Variants in GIGYF1 observed in about 807,000 individuals in gnomAD.
The protein encoded by GIGYF1 is GRB10 interacting GYF protein 1.
GIGYF1 carries 84 observed loss-of-function variants against 147.1 expected under a neutral mutation model. That is an observed-to-expected ratio of 0.57 (90% CI 0.48 to 0.68). The LOEUF (loss-of-function observed/expected upper bound fraction) is 0.68. GIGYF1 is among the 30% of genes least tolerant of loss of function. The pLI, the probability that GIGYF1 is intolerant of heterozygous loss-of-function variation, is 0.00. For synonymous variants in GIGYF1, 752 were observed against 589.5 expected (o/e 1.28, Z -3.99); for missense variants, 1,485 against 1,393.7 (o/e 1.07, Z -1.04).
chr7:100,685,438 G>C lies in GIGYF1; in HGVS notation c.1098C>G (p.Ser366=), dbSNP rs371851856. The C allele has an allele frequency of 6.3e-7, 1 of 1,594,110 alleles. No individual in the cohort carries two copies. The highest frequency in any genetic ancestry group is 1.4e-5 in the African/African-American group (1 of 73,434). The part of the protein sequence containing the change: ...LTPLPPQEEK[S]SSPSPLPTLG... ...GGGTGGGCAGTGGGGATGGGGAGCT[G>C]GACTTCTCCTCCTGAGGAGGCAGTG... The change falls in exon 13 of 27, where the codon TCC becomes TCG. Residue 366 remains serine, a synonymous_variant. Coordinates refer to ENST00000678049, the MANE Select transcript of GIGYF1 (RefSeq NM_001375765.1).
At chr7:100,687,699 TCTC>T in intron 6 of GIGYF1, 83 bp from the exon 7 acceptor site, 2 of 1,113,266 alleles carry the variant, frequency 1.8e-6, no homozygotes, top group East Asian at 3.6e-5. Flanking sequence ...TCCCCGCCTG[TCTC>T]CTCAGCGCTG....
chr7:100,684,633 G>A lies in GIGYF1; in HGVS notation c.1463-17C>T. 6.2e-7 allele frequency: 1 copy of A among 1,613,924 alleles called. No individual in the cohort carries two copies. Among genetic ancestry groups the A allele is most frequent in the Non-Finnish European group, 8.5e-7 (1 of 1,179,910 alleles). ...TGAAGGGGCCTGGACAGGGAGCGAG[G>A]GAGCGGGAGAACCACTGGGGTCACA... On this transcript the variant is annotated splice_polypyrimidine_tract_variant and intron_variant, in intron 15 of 26. Transcript: ENST00000678049.
At position 100,681,418 on chromosome 7, in the gene GIGYF1, T is replaced by A; in HGVS notation, c.*301A>T. On this transcript the variant is annotated 3_prime_UTR_variant, in exon 27 of 27. Coordinates refer to ENST00000678049, the MANE Select transcript of GIGYF1 (RefSeq NM_001375765.1). ...GTGGACCTTCCATTGTCACACCCAC[T>A]ATCCTCACAGCAGGAAGGGGTGTTT... The A allele has an allele frequency of 3.9e-6, 1 of 257,276 alleles. No homozygotes were observed. The highest frequency in any genetic ancestry group is 7.3e-6 in the Non-Finnish European group (1 of 137,228). The allele number at this position is 257,276 out of a possible 1,614,324, so 15.9% of individuals were successfully genotyped here.
rs1439921010 is a variant in GIGYF1 at position 100,688,886 on chromosome 7, C to T, written c.-429G>A. On this transcript the variant is annotated 5_prime_UTR_variant, in exon 2 of 27. Transcript: ENST00000678049. The stretch of plus-strand genomic sequence containing the variant: ...GAGACAGGAGGTGTAGTGAAGAACT[C>T]GGGGAGGGAGGCAGCCGAGGCCAGG... 6 of 158,768 alleles carry T rather than the reference C, an allele frequency of 3.8e-5. No individual in the cohort carries two copies. The highest frequency in any genetic ancestry group is 1.3e-4 in the Admixed American group (2 of 15,668). 9.8% of individuals were successfully genotyped at this position (158,768 alleles called of 1,614,324 possible). A position where few individuals can be genotyped will look rare whatever the true frequency, so the allele number is the denominator to read the frequency against.
Position 100,682,653 on chromosome 7 carries a change from T to C in GIGYF1, c.2537A>G (p.Lys846Arg), listed in dbSNP as rs772335495. 2 of 1,605,068 alleles carry C rather than the reference T, an allele frequency of 1.2e-6. No homozygotes were observed. The highest frequency in any genetic ancestry group is 8.5e-7 in the Non-Finnish European group (1 of 1,177,440). The change falls in exon 23 of 27, where the codon AAG becomes AGG. Residue 846 changes from lysine (K) to arginine (R), a missense_variant. Transcript: ENST00000678049. ...SGLGLWEDTPKSGGSLVRGLG... is the reference protein window; with the variant it reads ...SGLGLWEDTPRSGGSLVRGLG... ...GCCACGGACCAGGCTCCCGCCGCTC[T>C]TGGGGGTGTCCTCCCAGAGCCCCAG...
chr7:100,683,200 G>C lies in GIGYF1; in HGVS notation c.2224C>G (p.Leu742Val). 2 of 1,609,460 alleles carry C rather than the reference G, an allele frequency of 1.2e-6. No individual in the cohort carries two copies. Among genetic ancestry groups the C allele is most frequent in the East Asian group, 2.2e-5 (1 of 44,874 alleles). ...ACAGGGACCGCCTGCTGCTGCTGTA[G>C]CAACTTCAGCAATAGCTCCTGCTGC... Reference protein sequence around the residue: ...VRQQELLLKLLQQQQAVPVPP... With the variant: ...VRQQELLLKLVQQQQAVPVPP... The change falls in exon 22 of 27, where the codon CTA (leucine) becomes GTA (valine). Residue 742 changes from leucine (L) to valine (V), a missense_variant. Leu to Val is a conservative substitution (Grantham distance 32, BLOSUM62 1). Coordinates refer to ENST00000678049, the MANE Select transcript of GIGYF1 (RefSeq NM_001375765.1).
chr7:100,682,841 C>G (rs919800349), intron 22 of GIGYF1, 64 bp from the exon 23 acceptor site: 20 of 1,468,740 alleles, frequency 1.4e-5, no homozygotes, highest in Middle Eastern at 1.8e-4. Flanking sequence ...GATGGGGAGG[C>G]TTGTTTAGGT....
rs770263326 is a variant in GIGYF1 at position 100,687,015 on chromosome 7, G to C, written c.514C>G (p.Arg172Gly). The stretch of plus-strand genomic sequence containing the variant: ...CTCAGCAGCCTCGTACCTCCATCCC[G>C]CCTTGCTGACTTCTCAAACCGCCTC... Reference protein sequence around the residue: ...GERRFEKSARRDGARCGFEEG... With the variant: ...GERRFEKSARGDGARCGFEEG... The change falls in exon 9 of 27, where the codon CGG becomes GGG. Residue 172 changes from arginine (R) to glycine (G), a missense_variant. Transcript: ENST00000678049. The C allele has an allele frequency of 6.2e-7, 1 of 1,613,816 alleles. No homozygotes were observed. Among genetic ancestry groups the C allele is most frequent in the Non-Finnish European group, 8.5e-7 (1 of 1,179,984 alleles).
At chr7:100,682,529 TG>T (rs773159660) in intron 23 of GIGYF1, 47 bp from the exon 24 acceptor site, 7 of 1,598,364 alleles carry the variant, frequency 4.4e-6, no homozygotes, top group South Asian at 1.1e-5. Context: ...TGGCAGGGGT[TG>T]GGGGGGTCTG....
intron 1 of GIGYF1, 125 bp downstream of exon 1, chr7:100,693,985 G>T (rs1228570390): frequency 2.0e-5 from 3 of 149,224 alleles, no homozygotes; most frequent in African/African-American, 7.3e-5. Context: ...CCTCGCTGGC[G>T]GCCCGCGCGC....
Position 100,683,226 on chromosome 7 carries a change from C to G in GIGYF1, c.2198G>C (p.Arg733Pro), listed in dbSNP as rs760024412. 1.9e-6 allele frequency: 3 copies of G among 1,611,836 alleles called. No individual in the cohort carries two copies. Among genetic ancestry groups the G allele is most frequent in the Non-Finnish European group, 2.5e-6 (3 of 1,179,952 alleles). ...EEELFRRKHV[R>P]QQELLLKLLQ... ...CAACTTCAGCAATAGCTCCTGCTGC[C>G]GCACCTAAGAGGGGGACATGGTGAG... The change falls in exon 22 of 27, where the codon CGG (arginine) becomes CCG (proline). Residue 733 changes from arginine (R) to proline (P), a missense_variant. Physicochemically the swap from Arg to Pro is moderately radical, Grantham distance 103. Coordinates refer to ENST00000678049, the MANE Select transcript of GIGYF1 (RefSeq NM_001375765.1).
intron 1 of GIGYF1, among the ~76,000 whole-genome samples, chr7:100,692,362 C>G (rs1805893112): frequency 1.3e-5 from 2 of 152,240 alleles, no homozygotes; most frequent in African/African-American, 2.4e-5. Context: ...ACTTGCCCAG[C>G]CTTGGGCTCC....
rs1185625748 is a variant in GIGYF1 at position 100,688,010 on chromosome 7, T to C, written c.136A>G (p.Met46Val). The C allele has an allele frequency of 2.5e-6, 4 of 1,613,180 alleles. No homozygotes were observed. Among genetic ancestry groups the C allele is most frequent in the South Asian group, 1.1e-5 (1 of 90,978 alleles). Residue 46 changes from methionine (M) to valine (V), a missense_variant, in exon 5 of 27, where the codon ATG (methionine) becomes GTG (valine). Transcript: ENST00000678049. ...LADYRYGREEMLALYVKENKV... is the reference protein window; with the variant it reads ...LADYRYGREEVLALYVKENKV... Reference sequence around the variant, plus strand: ...TTCTCCTTGACGTAGAGAGCCAGCATTTCCTCTCGCCCATAACGGTAGTCA... The same window carrying C: ...TTCTCCTTGACGTAGAGAGCCAGCACTTCCTCTCGCCCATAACGGTAGTCA...
Position 100,689,032 on chromosome 7 carries a change from A to G in GIGYF1, c.-575T>C, listed in dbSNP as rs1805627547. ...GAAAAGGATTAGAAATAAATCTAGG[A>G]GCAAAATTCTTTCCCTCATGAAAAA... is the stretch of plus-strand genomic sequence containing the variant. On this transcript the variant is annotated 5_prime_UTR_variant, in exon 2 of 27. Coordinates refer to ENST00000678049, the MANE Select transcript of GIGYF1 (RefSeq NM_001375765.1). 1 of 152,632 alleles carries G rather than the reference A, an allele frequency of 6.6e-6. No individual in the cohort carries two copies. Among genetic ancestry groups the G allele is most frequent in the Non-Finnish European group, 1.5e-5 (1 of 68,298 alleles). 9.5% of individuals were successfully genotyped at this position (152,632 alleles called of 1,614,324 possible).
In GIGYF1 at chr7:100,681,717, G is replaced by A; in HGVS notation, c.*2C>T. On this transcript the variant is annotated 3_prime_UTR_variant, in exon 27 of 27. Coordinates refer to ENST00000678049, the MANE Select transcript of GIGYF1 (RefSeq NM_001375765.1). Reference sequence around the variant, plus strand: ...AGCCCAGGGGCTGGGGGTCCGGGCTGGTCAGTAGTCATCCACGCTCTCGAT... The same window carrying A: ...AGCCCAGGGGCTGGGGGTCCGGGCTAGTCAGTAGTCATCCACGCTCTCGAT... 2 of 1,564,020 alleles carry A rather than the reference G, an allele frequency of 1.3e-6. No homozygotes were observed. The highest frequency in any genetic ancestry group is 1.7e-6 in the Non-Finnish European group (2 of 1,154,744).
chr7:100,683,118 A>G lies in GIGYF1; in HGVS notation c.2306T>C (p.Leu769Pro). The change falls in exon 22 of 27, where the codon CTG (leucine) becomes CCG (proline). Residue 769 changes from leucine to proline, a missense_variant. By Grantham distance (98) the Leu-to-Pro change is moderately conservative. Transcript: ENST00000678049. Reference sequence around the variant, plus strand: ...CAACTCCAGGAGCGTCTTCATGGACAGCCCCTGCTTGGCCAGGCCAGCCCA... The same window carrying G: ...CAACTCCAGGAGCGTCTTCATGGACGGCCCCTGCTTGGCCAGGCCAGCCCA... The part of the protein sequence containing the change: ...PLWAGLAKQG[L>P]SMKTLLELQL... 6.3e-7 allele frequency: 1 copy of G among 1,593,736 alleles called. No homozygotes were observed. Among genetic ancestry groups the G allele is most frequent in the South Asian group, 1.1e-5 (1 of 90,090 alleles).
At position 100,686,783 on chromosome 7, in the gene GIGYF1, C is replaced by T. The variant is rs1805387688; in HGVS notation, c.560G>A (p.Arg187Lys). 1 of 1,614,078 alleles carries T rather than the reference C, an allele frequency of 6.2e-7. No individual in the cohort carries two copies. Among genetic ancestry groups the T allele is most frequent in the East Asian group, 2.2e-5 (1 of 44,884 alleles). ...GCTGTCTGAGCGGGCGTGCTCCTTC[C>T]TTGGGCCAGCCCCTCCCTCCTCAAA... ...CGFEEGGAGP[R>K]KEHARSDSEN... The change falls in exon 10 of 27, where the codon AGG becomes AAG. Residue 187 changes from arginine (R) to lysine (K), a missense_variant. Coordinates refer to ENST00000678049, the MANE Select transcript of GIGYF1 (RefSeq NM_001375765.1).
Position 100,681,499 on chromosome 7 carries a change from A to T in GIGYF1, c.*220T>A. ...CTCCTAATGTTTTCTTCAGTCGTTT[A>T]AAATTAAAAAAAAAAATAAAAAGAA... On this transcript the variant is annotated 3_prime_UTR_variant, in exon 27 of 27. Transcript: ENST00000678049. 3.8e-6 allele frequency: 1 copy of T among 261,418 alleles called. No individual in the cohort carries two copies. Among genetic ancestry groups the T allele is most frequent in the Non-Finnish European group, 6.0e-6 (1 of 166,578 alleles). The allele number at this position is 261,418 out of a possible 1,614,324, so 16.2% of individuals were successfully genotyped here. A position where few individuals can be genotyped will look rare whatever the true frequency, so the allele number is the denominator to read the frequency against.
In GIGYF1 at chr7:100,687,333, G is replaced by T. The variant is rs748035153; in HGVS notation, c.447C>A (p.Pro149=). The part of the protein sequence containing the change: ...EEGDGAFGRS[P]REIQRSQSWD... Reference sequence around the variant, plus strand: ...AGCTCTGGCTGCGCTGGATTTCCCGGGGGCTTCGTCCAAAGGCCCCATCGC... The same window carrying T: ...AGCTCTGGCTGCGCTGGATTTCCCGTGGGCTTCGTCCAAAGGCCCCATCGC... Residue 149 remains proline, a synonymous_variant, in exon 8 of 27, where the codon CCC becomes CCA. Transcript: ENST00000678049. 6.2e-7 allele frequency: 1 copy of T among 1,613,094 alleles called. No homozygotes were observed. The highest frequency in any genetic ancestry group is 8.5e-7 in the Non-Finnish European group (1 of 1,179,960).
Sources: gnomAD v4.1 joint callset for allele counts (sites outside exome capture counted in the v4.1 genomes callset) on GRCh38, gnomAD v4.1.1 for gene constraint, MANE v1.5 for transcripts, NCBI Gene and HGNC (gene_info 2026-07-23, HGNC 2026-07-21) for gene names.